DAB1: variants seen among roughly 807,000 people sequenced by gnomAD.
DAB1 encodes disabled homolog 1.
DAB1 carries 15 observed loss-of-function variants against 64.6 expected under a neutral mutation model. The ratio of observed to expected loss-of-function variants is 0.23; its 90% confidence interval spans 0.16 to 0.36. DAB1 has a LOEUF of 0.36. Ranked by LOEUF, DAB1 falls within the 10% of genes least tolerant of loss-of-function variation. The probability of loss-of-function intolerance (pLI) is 1.00; values close to 1 mark genes in which losing one functional copy is unlikely to be tolerated. For synonymous variants in DAB1, 235 were observed against 251.9 expected (o/e 0.93, Z 0.64); for missense variants, 596 against 706.7 (o/e 0.84, Z 1.78).
intron 4 of DAB1, among the ~76,000 whole-genome samples, chr1:58,240,763 G>C (rs1660258188): frequency 6.6e-6 from 1 of 152,164 alleles, no homozygotes. Flanking sequence ...GCCAAGACTT[G>C]GTGGTTACTG....
intron 1 of DAB1, among the ~76,000 whole-genome samples, chr1:57,877,724 C>G (rs7529119): frequency 1.2e-5 from 1 of 82,282 alleles, no homozygotes; most frequent in African/African-American, 5.3e-5. Context: ...CCGCGCCCGG[C>G]TAATTTTTTT....
chr1:57,742,976 G>T (rs968696739), intron 6 of DAB1, among the ~76,000 whole-genome samples: 39 of 152,174 alleles, frequency 2.6e-4, no homozygotes, highest in Admixed American at 1.0e-3. Flanking sequence ...TATACACAGG[G>T]AGGTGTGTAT....
At chr1:57,004,435 A>G (rs1645988722) in intron 14 of DAB1, among the ~76,000 whole-genome samples, 1 of 152,246 alleles carries the variant, frequency 6.6e-6, no homozygotes, top group Admixed American at 6.5e-5. Context: ...GCATGCTGAC[A>G]AAGGTGATCT....
chr1:57,303,443 C>T (rs1673845462), intron 1 of DAB1, among the ~76,000 whole-genome samples: 2 of 152,188 alleles, frequency 1.3e-5, no homozygotes, highest in African/African-American at 4.8e-5. Flanking sequence ...AGTCACAGCT[C>T]AGCCTGGCAG....
chr1:57,781,122 CTCTCTATATATATATATATATATATATA>C (rs71051256), intron 6 of DAB1, among the ~76,000 whole-genome samples: 2,322 of 43,652 alleles, frequency 0.053, 15 homozygotes, highest in Non-Finnish European at 0.058. Flanking sequence ...CTCTCTCTCT[CTCTCTATATATATATATATATATATATA>C]TATATATATA....
At chr1:58,221,369 GA>G (rs1659162163) in intron 4 of DAB1, among the ~76,000 whole-genome samples, 1 of 152,176 alleles carries the variant, frequency 6.6e-6, no homozygotes, top group Non-Finnish European at 1.5e-5. Flanking sequence ...TGTATTGAAA[GA>G]AATCGAATTT....
At chr1:57,014,831 A>G (rs564966593) in intron 12 of DAB1, 52 bp downstream of exon 12, 3 of 1,460,120 alleles carry the variant, frequency 2.1e-6, no homozygotes, top group South Asian at 2.8e-5. Context: ...CCGCCTCCAG[A>G]CATGAGTTAC....
At chr1:57,784,091 C>T (rs535463186) in intron 6 of DAB1, among the ~76,000 whole-genome samples, 4 of 152,254 alleles carry the variant, frequency 2.6e-5, no homozygotes, top group African/African-American at 9.6e-5. Context: ...AGAAGTACAG[C>T]TTATTAGCCA....
intron 5 of DAB1, among the ~76,000 whole-genome samples, chr1:58,146,814 A>G (rs1654620866): frequency 6.6e-6 from 1 of 152,060 alleles, no homozygotes; most frequent in African/African-American, 2.4e-5. Context: ...CATATACCAT[A>G]ATTCCTTTAT....
intron 4 of DAB1, among the ~76,000 whole-genome samples, chr1:58,325,670 C>T (rs1488197893): frequency 6.6e-6 from 1 of 152,090 alleles, no homozygotes; most frequent in African/African-American, 2.4e-5. Context: ...TTCATGGGAC[C>T]ATTCTAAAGA....
chr1:57,750,905 T>C (rs1648520474), intron 6 of DAB1, among the ~76,000 whole-genome samples: 1 of 152,184 alleles, frequency 6.6e-6, no homozygotes. Flanking sequence ...CGAACTCCTC[T>C]CATTTACTGA....
At position 58,312,877 on chromosome 1, in the gene DAB1, CATT is replaced by C. The variant is rs556619606; in HGVS notation, n.309+30472_309+30474del. On this transcript the variant is annotated intron_variant and non_coding_transcript_variant, in intron 4 of 20. Transcript: ENST00000485760. ...GTTGGCAGTACTACCTAATGAATAG[CATT>C]ATTATGAAGATTAAAAGAGTTCACA... is the stretch of plus-strand genomic sequence containing the variant. Among the ~76,000 whole-genome samples the C allele has an allele frequency of 7.8e-4, 118 of 151,984 alleles. 1 individual carries two copies. Among genetic ancestry groups the C allele is most frequent in the African/African-American group, 2.5e-3 (104 of 41,448 alleles).
chr1:57,849,795 G>C (rs977691629), intron 1 of DAB1, among the ~76,000 whole-genome samples: 5 of 152,166 alleles, frequency 3.3e-5, no homozygotes, highest in Non-Finnish European at 7.3e-5. Flanking sequence ...CTTTTTTCCT[G>C]ACAGTAATTT....
At chr1:58,533,999 G>GA in intron 1 of DAB1, 1 of 871,700 alleles carries the variant, frequency 1.1e-6, no homozygotes, top group Admixed American at 1.7e-5. Flanking sequence ...CAGAAGGAAA[G>GA]AAAGTTGATG....
intron 2 of DAB1, among the ~76,000 whole-genome samples, chr1:57,272,624 C>A (rs1489281668): frequency 2.0e-5 from 3 of 152,120 alleles, no homozygotes; most frequent in Non-Finnish European, 2.9e-5. Context: ...CTGCTCCAGG[C>A]CACATAGCTT....
rs1644393330 is a variant in DAB1, at chr1:58,381,916, CACCATCAAA to C, written n.258-38522_258-38514del. Among the ~76,000 whole-genome samples, 5 of 152,156 alleles carry C rather than the reference CACCATCAAA, an allele frequency of 3.3e-5. No individual in the cohort carries two copies. The South Asian group carries it at 1.0e-3, about 32-fold the overall frequency. On this transcript the variant is annotated intron_variant and non_coding_transcript_variant, in intron 3 of 20. Coordinates refer to the DAB1 transcript ENST00000485760. Reference sequence around the variant, plus strand: ...CCATCAAAGAAGTGAGACTGAATGACACCATCAAAGAAGTGAGACTGAATGACACCATCA... The same window carrying C: ...CCATCAAAGAAGTGAGACTGAATGACGAAGTGAGACTGAATGACACCATCA...
chr1:58,408,498 C>G (rs1300839261), intron 3 of DAB1, among the ~76,000 whole-genome samples: 8 of 152,168 alleles, frequency 5.3e-5, no homozygotes, highest in African/African-American at 1.9e-4. Context: ...CTCCAGTGTT[C>G]ATTGATCTAT....
intron 4 of DAB1, among the ~76,000 whole-genome samples, chr1:58,338,244 C>T (rs1214688803): frequency 6.6e-6 from 1 of 152,118 alleles, no homozygotes; most frequent in Non-Finnish European, 1.5e-5. Context: ...ACACAGCAAC[C>T]TGAGAGCTGC....
chr1:57,988,144 C>A (rs1464021338), intron 5 of DAB1, among the ~76,000 whole-genome samples: 3 of 152,038 alleles, frequency 2.0e-5, no homozygotes, highest in Middle Eastern at 3.2e-3. Context: ...CACATACATG[C>A]GGCCATTGGT....
Sources: allele counts gnomAD v4.1 joint callset (sites outside exome capture counted in the v4.1 genomes callset), GRCh38; gene constraint gnomAD v4.1.1; transcripts MANE v1.5; gene names NCBI Gene and HGNC (gene_info 2026-07-23, HGNC 2026-07-21).